FUT8: variants seen among roughly 807,000 people sequenced by gnomAD.
The protein encoded by FUT8 is alpha-(1,6)-fucosyltransferase.
A neutral mutation model predicts 71.3 loss-of-function variants in FUT8; 29 were observed. That is an observed-to-expected ratio of 0.41 (90% confidence interval 0.30 to 0.55). The LOEUF (loss-of-function observed/expected upper bound fraction) is 0.55. Ranked by LOEUF, FUT8 falls within the 20% of genes least tolerant of loss-of-function variation. The pLI, the probability that FUT8 is intolerant of heterozygous loss-of-function variation, is 0.34. For synonymous variants in FUT8, 254 were observed against 239.3 expected, an observed-to-expected ratio of 1.06 and a Z score of -0.57; for missense variants, 544 against 702.1, an observed-to-expected ratio of 0.77 and a Z score of 2.55.
intron 2 of FUT8, among the ~76,000 whole-genome samples, chr14:65,481,696 T>A (rs966614824): frequency 3.3e-5 from 5 of 152,206 alleles, no homozygotes; most frequent in South Asian, 2.1e-4. Flanking sequence ...AGTTTTTTTT[T>A]AAAATGGAAC....
chr14:65,487,583 A>AC (rs1370158330), intron 2 of FUT8, among the ~76,000 whole-genome samples: 60 of 151,566 alleles, frequency 4.0e-4, no homozygotes, highest in Non-Finnish European at 6.9e-4. Flanking sequence ...AAAAAAAAAA[A>AC]AACTCAGTTT....
chr14:65,515,417 A>G (rs893958463), intron 2 of FUT8, among the ~76,000 whole-genome samples: 2 of 152,018 alleles, frequency 1.3e-5, no homozygotes, highest in African/African-American at 2.4e-5. Flanking sequence ...TTCATAGAGC[A>G]GTAATATAAG....
chr14:65,559,600 G>A (rs1020544851), intron 2 of FUT8, among the ~76,000 whole-genome samples: 2 of 151,182 alleles, frequency 1.3e-5, no homozygotes, highest in African/African-American at 2.5e-5. Flanking sequence ...ATTTTACAGT[G>A]TTGCATATGT....
At chr14:65,435,763 A>G (rs1199024616) in intron 1 of FUT8, among the ~76,000 whole-genome samples, 4 of 148,626 alleles carry the variant, frequency 2.7e-5, no homozygotes, top group Admixed American at 6.7e-5. Context: ...CATCCTTACT[A>G]GCACTTGGTA....
chr14:65,497,002 T>C (rs2066569540), intron 2 of FUT8, among the ~76,000 whole-genome samples: 1 of 152,172 alleles, frequency 6.6e-6, no homozygotes, highest in Non-Finnish European at 1.5e-5. Context: ...AGCAACCACC[T>C]CCTAGGGTTG....
At chr14:65,692,418 A>C (rs1317256495) in intron 7 of FUT8, among the ~76,000 whole-genome samples, 55 of 65,672 alleles carry the variant, frequency 8.4e-4, no homozygotes, top group Admixed American at 1.0e-3. Flanking sequence ...TGACCCCCCC[A>C]CCTCCCTCCC....
intron 2 of FUT8, among the ~76,000 whole-genome samples, chr14:65,496,504 G>A (rs1162806500): frequency 1.3e-5 from 2 of 151,952 alleles, no homozygotes; most frequent in African/African-American, 2.4e-5. Flanking sequence ...CATGGGGGTC[G>A]TTCCCCCATG....
intron 7 of FUT8, among the ~76,000 whole-genome samples, chr14:65,718,449 A>G (rs945344776): frequency 1.3e-5 from 2 of 152,094 alleles, no homozygotes; most frequent in African/African-American, 2.4e-5. Context: ...AGTTGTAGTT[A>G]TTTTTGATCG....
chr14:65,678,337 A>G (rs1186199445), intron 7 of FUT8, among the ~76,000 whole-genome samples: 1 of 152,084 alleles, frequency 6.6e-6, no homozygotes, highest in African/African-American at 2.4e-5. Flanking sequence ...ATCATTCTCC[A>G]CTTCTGTTGG....
chr14:65,471,083 C>T (rs779228470), intron 2 of FUT8: 1 of 467,550 alleles, frequency 2.1e-6, no homozygotes, highest in South Asian at 1.5e-5. Context: ...TGTACAAGAG[C>T]TGTACTGATG....
intron 6 of FUT8, among the ~76,000 whole-genome samples, chr14:65,634,536 C>G (rs570328159): frequency 7.2e-6 from 1 of 139,748 alleles, no homozygotes; most frequent in South Asian, 2.2e-4. Context: ...TCCCCCTCTG[C>G]GAGAAACACC....
the FUT8 span, among the ~76,000 whole-genome samples, chr14:65,372,649 T>C: frequency 2.6e-5 from 4 of 152,144 alleles, no homozygotes; most frequent in African/African-American, 9.7e-5. Context: ...ACTCCTGAGC[T>C]GGGGCAATCC....
At chr14:65,365,845 T>TC in the FUT8 span, among the ~76,000 whole-genome samples, 16 of 144,010 alleles carry the variant, frequency 1.1e-4, no homozygotes, top group African/African-American at 4.0e-4. Context: ...CTTTCTTTTC[T>TC]TTTTTTTTTT....
intron 6 of FUT8, among the ~76,000 whole-genome samples, chr14:65,642,845 A>G: frequency 6.6e-6 from 1 of 152,266 alleles, no homozygotes; most frequent in Admixed American, 6.5e-5. Flanking sequence ...TTTTTTATAT[A>G]TTGATCTTGC....
At chr14:65,444,665 CATT>C (rs1236938917) in intron 1 of FUT8, among the ~76,000 whole-genome samples, 1 of 152,116 alleles carries the variant, frequency 6.6e-6, no homozygotes, top group Non-Finnish European at 1.5e-5. Flanking sequence ...ATCTCGAAGA[CATT>C]ATACTTTTTT....
chr14:65,378,837 G>GTTTTTTTTTTTTTT, the FUT8 span, among the ~76,000 whole-genome samples: 2 of 66,850 alleles, frequency 3.0e-5, 1 homozygote, highest in East Asian at 1.2e-3. Flanking sequence ...TCACAAGAAG[G>GTTTTTTTTTTTTTT]TTTTTTTTTT....
the FUT8 span, among the ~76,000 whole-genome samples, chr14:65,395,840 A>G: frequency 1.3e-5 from 2 of 152,206 alleles, no homozygotes; most frequent in African/African-American, 4.8e-5. Context: ...CAGGCTGCAA[A>G]TTTTCCGAAC....
At chr14:65,597,599 G>C (rs997170862) in intron 3 of FUT8, among the ~76,000 whole-genome samples, 6 of 150,738 alleles carry the variant, frequency 4.0e-5, no homozygotes, top group African/African-American at 1.5e-4. Flanking sequence ...CTCCAGCCTG[G>C]GCGATAGAGC....
the FUT8 span, among the ~76,000 whole-genome samples, chr14:65,401,895 TAAAAAAA>T: frequency 9.5e-6 from 1 of 105,266 alleles, no homozygotes; most frequent in African/African-American, 3.6e-5. Flanking sequence ...AGACCCTGTC[TAAAAAAA>T]AAAAAAAAAA....
Sources: gnomAD v4.1 joint callset for allele counts (sites outside exome capture counted in the v4.1 genomes callset) on GRCh38, gnomAD v4.1.1 for gene constraint, MANE v1.5 for transcripts, NCBI Gene and HGNC (gene_info 2026-07-23, HGNC 2026-07-21) for gene names.